CFAP54: variants seen among roughly 807,000 people sequenced by gnomAD.
The protein encoded by CFAP54 is cilia and flagella associated protein 54, also known as cilia- and flagella-associated protein 54.
A neutral mutation model predicts 370.4 loss-of-function variants in CFAP54; 290 were observed. The ratio of observed to expected loss-of-function variants is 0.78; its 90% CI spans 0.71 to 0.86. CFAP54 has a LOEUF of 0.86. Among genes scored for constraint, CFAP54 ranks in the 40% least tolerant of loss-of-function variants. CFAP54 has a pLI of 0.00. For synonymous variants in CFAP54, 1,206 were observed against 1,236.5 expected, an observed-to-expected ratio of 0.98 and a Z score of 0.52; for missense variants, 3,399 against 3,528.7, an observed-to-expected ratio of 0.96 and a Z score of 0.93.
At chr12:96,580,548 TTGATATAAAAGAATGCC>T in intron 20 of CFAP54, 32 bp from the exon 21 acceptor site, 1 of 984,426 alleles carries the variant, frequency 1.0e-6, no homozygotes, top group Non-Finnish European at 1.4e-6. Context: ...TTTTGTTACA[TTGATATAAAAGAATGCC>T]TTTTAAACAG....
intron 55 of CFAP54, among the ~76,000 whole-genome samples, chr12:96,744,426 T>C (rs1228695350): frequency 1.3e-5 from 2 of 152,210 alleles, no homozygotes; most frequent in East Asian, 3.8e-4. Context: ...CATCAGTCTT[T>C]TGGATTAAAA....
intron 60 of CFAP54, among the ~76,000 whole-genome samples, chr12:96,782,673 A>T (rs944643380): frequency 2.6e-4 from 40 of 152,142 alleles, no homozygotes; most frequent in African/African-American, 9.4e-4. Context: ...AAAATGATTG[A>T]TAGATTTAAT....
intron 33 of CFAP54, chr12:96,646,165 A>G (rs1401668031): frequency 1.3e-5 from 2 of 152,136 alleles, no homozygotes; most frequent in Non-Finnish European, 2.9e-5. Context: ...TGAACAGGCA[A>G]CCTACAGAAT....
In CFAP54 at chr12:96,547,558, TGTTAC is replaced by T. The variant is rs201207446; in HGVS notation, c.2078-338_2078-334del. Among the ~76,000 whole-genome samples the T allele has an allele frequency of 4.7e-4, 72 of 152,318 alleles. No individual in the cohort carries two copies. In the East Asian group the frequency reaches 0.012, roughly 26 times the overall value. On this transcript the variant is annotated intron_variant, in intron 14 of 67. Transcript: ENST00000524981. ...TTGACTTGTTGATAAATATTTGGTT[TGTTAC>T]GTTACAAGATTTTTTTAAATTACCT...
chr12:96,579,795 T>C (rs927620752), intron 20 of CFAP54, among the ~76,000 whole-genome samples: 2 of 152,138 alleles, frequency 1.3e-5, no homozygotes, highest in Non-Finnish European at 2.9e-5. Context: ...GAAAGGATCA[T>C]TGTCTAACTA....
intron 50 of CFAP54, among the ~76,000 whole-genome samples, chr12:96,737,460 A>C (rs918615070): frequency 6.8e-6 from 1 of 147,972 alleles, no homozygotes; most frequent in Non-Finnish European, 1.5e-5. Context: ...TTTAATAGAT[A>C]TATTATATAT....
At chr12:96,795,548 G>T (rs1958752988) in intron 63 of CFAP54, among the ~76,000 whole-genome samples, 1 of 151,986 alleles carries the variant, frequency 6.6e-6, no homozygotes. Context: ...CATACAGGTT[G>T]CCAGGGAAGT....
At chr12:96,553,257 GCAGGA>G (rs1467558603) in intron 15 of CFAP54, among the ~76,000 whole-genome samples, 1 of 152,034 alleles carries the variant, frequency 6.6e-6, no homozygotes, top group African/African-American at 2.4e-5. Flanking sequence ...ACATATACCA[GCAGGA>G]ATAAGTTTCA....
chr12:96,689,278 AGCCTCATAAGT>A (rs753834076), intron 43 of CFAP54, among the ~76,000 whole-genome samples: 1 of 151,982 alleles, frequency 6.6e-6, no homozygotes, highest in Non-Finnish European at 1.5e-5. Flanking sequence ...CTTGTGCCTC[AGCCTCATAAGT>A]GGCTGGGACT....
intron 39 of CFAP54, among the ~76,000 whole-genome samples, chr12:96,672,517 G>A (rs1957159401): frequency 6.6e-6 from 1 of 152,170 alleles, no homozygotes; most frequent in Non-Finnish European, 1.5e-5. Context: ...AAGGGTTGTA[G>A]AGTAATTTAG....
intron 65 of CFAP54, among the ~76,000 whole-genome samples, chr12:96,825,470 A>C (rs1392626926): frequency 8.6e-6 from 1 of 116,574 alleles, no homozygotes; most frequent in Non-Finnish European, 1.6e-5. Context: ...ATAATATATT[A>C]TATATATTAT....
chr12:96,600,384 T>C (rs1956226864), intron 26 of CFAP54, among the ~76,000 whole-genome samples: 1 of 152,238 alleles, frequency 6.6e-6, no homozygotes, highest in Non-Finnish European at 1.5e-5. Context: ...TTTTGGTTAC[T>C]GTAGCCTTGT....
At chr12:96,533,464 C>G in intron 9 of CFAP54, among the ~76,000 whole-genome samples, 1 of 152,202 alleles carries the variant, frequency 6.6e-6, no homozygotes, top group African/African-American at 2.4e-5. Context: ...TCTAAAAGCT[C>G]TATCCCCATT....
chr12:96,691,687 T>C (rs569720798), intron 44 of CFAP54, among the ~76,000 whole-genome samples: 11 of 152,288 alleles, frequency 7.2e-5, no homozygotes, highest in African/African-American at 2.6e-4. Context: ...TGTTTCTTTA[T>C]TGAGATAAGT....
chr12:96,638,561 A>C (rs1249195006), intron 32 of CFAP54, among the ~76,000 whole-genome samples: 1 of 152,034 alleles, frequency 6.6e-6, no homozygotes, highest in Admixed American at 6.6e-5. Flanking sequence ...TTTTACTAAA[A>C]TTGTTTTCAT....
chr12:96,865,646 T>C (rs998081914), intron 67 of CFAP54, among the ~76,000 whole-genome samples: 1 of 152,138 alleles, frequency 6.6e-6, no homozygotes, highest in Non-Finnish European at 1.5e-5. Flanking sequence ...TCTCTACTTC[T>C]TTTGCATACA....
chr12:96,501,998 C>G (rs1955033644), intron 2 of CFAP54, among the ~76,000 whole-genome samples: 1 of 152,072 alleles, frequency 6.6e-6, no homozygotes, highest in African/African-American at 2.4e-5. Flanking sequence ...ACAAGATAGC[C>G]CCCTTTCCAT....
chr12:96,841,699 A>G lies in CFAP54; in HGVS notation c.9171+12611A>G, dbSNP rs1301557624. The stretch of plus-strand genomic sequence containing the variant: ...GCATAATATGTTAGGAAGAGCACTT[A>G]GCACACGTTCTAGTCCCAGTTTCGC... On this transcript the variant is annotated intron_variant, in intron 66 of 67. Transcript: ENST00000524981. 3.3e-5 allele frequency among the ~76,000 whole-genome samples: 5 copies of G among 152,216 alleles called. No individual in the cohort carries two copies. The East Asian group carries it at 9.6e-4, about 29-fold the overall frequency.
At chr12:96,626,672 A>G (rs912531939) in intron 29 of CFAP54, 141 bp from the exon 30 acceptor site, 3 of 430,696 alleles carry the variant, frequency 7.0e-6, no homozygotes, top group African/African-American at 5.9e-5. Flanking sequence ...TTATTCCTAT[A>G]TACTTTTTAA....
Sources: gnomAD v4.1 joint callset for allele counts (sites outside exome capture counted in the v4.1 genomes callset) on GRCh38, gnomAD v4.1.1 for gene constraint, MANE v1.5 for transcripts, NCBI Gene and HGNC (gene_info 2026-07-23, HGNC 2026-07-21) for gene names.